ZNF407: variants seen among roughly 807,000 people sequenced by gnomAD.
The protein encoded by ZNF407 is zinc finger protein 407.
ZNF407 carries 17 observed loss-of-function variants against 131.2 expected under a neutral mutation model. That is an observed-to-expected ratio of 0.13 (90% confidence interval 0.09 to 0.19). ZNF407 has a LOEUF of 0.19. Ranked by LOEUF, ZNF407 falls within the 10% of genes least tolerant of loss-of-function variation. ZNF407 has a pLI of 1.00. For synonymous variants in ZNF407, 1,156 were observed against 1,062.0 expected (o/e 1.09, Z -1.72); for missense variants, 2,681 against 2,830.6 (o/e 0.95, Z 1.20).
intron 5 of ZNF407, among the ~76,000 whole-genome samples, 194 bp from the exon 6 acceptor site, chr18:74,880,842 A>G (rs926910128): frequency 2.0e-5 from 3 of 152,242 alleles, no homozygotes; most frequent in Admixed American, 1.3e-4. Context: ...GGGTCTGACA[A>G]GTATGTAATT....
chr18:74,873,756 T>C (rs1488349303), intron 4 of ZNF407, among the ~76,000 whole-genome samples: 1 of 151,904 alleles, frequency 6.6e-6, no homozygotes, highest in Non-Finnish European at 1.5e-5. Flanking sequence ...GCTAGAAGAC[T>C]AACTCGTAAT....
At chr18:74,925,660 A>G (rs573298019) in intron 8 of ZNF407, among the ~76,000 whole-genome samples, 6 of 152,314 alleles carry the variant, frequency 3.9e-5, no homozygotes, top group South Asian at 2.1e-4. Context: ...GCCCTGACAC[A>G]TGTCATGACA....
intron 8 of ZNF407, among the ~76,000 whole-genome samples, chr18:74,959,929 G>A (rs920348637): frequency 6.6e-6 from 1 of 152,206 alleles, no homozygotes; most frequent in Non-Finnish European, 1.5e-5. Context: ...GCATCCAACA[G>A]TGTGGCTTCT....
chr18:75,063,203 G>A lies in ZNF407; in HGVS notation c.5482G>A (p.Val1828Met). 6.2e-7 allele frequency: 1 copy of A among 1,611,172 alleles called. No individual in the cohort carries two copies. The highest frequency in any genetic ancestry group is 8.5e-7 in the Non-Finnish European group (1 of 1,178,632). Reference protein sequence around the residue: ...CRLKGQGATFVETDSPFTAAA... With the variant: ...CRLKGQGATFMETDSPFTAAA... The stretch of plus-strand genomic sequence containing the variant: ...TCTAAAGGGACAAGGAGCCACCTTC[G>A]TGGAGACAGACAGCCCCTTCACCGC... Residue 1828 changes from valine (V) to methionine (M), a missense_variant, in exon 9 of 9, where the codon GTG becomes ATG. Physicochemically the swap from Val to Met is conservative, Grantham distance 21. Around this residue, in one of 6 missense-constraint regions of ZNF407, gnomAD observed 39 missense variants for 91.8 expected, o/e 0.42. Coordinates refer to ENST00000299687, the MANE Select transcript of ZNF407 (RefSeq NM_017757.3). The surrounding 1 kb of genome is among the most constrained non-coding windows in gnomAD (Gnocchi z 6.6).
intron 8 of ZNF407, among the ~76,000 whole-genome samples, chr18:74,967,702 C>A (rs1283809778): frequency 6.6e-6 from 1 of 152,192 alleles, no homozygotes; most frequent in African/African-American, 2.4e-5. Flanking sequence ...AACATAGAAA[C>A]TGAACTGTTT....
intron 8 of ZNF407, among the ~76,000 whole-genome samples, chr18:74,993,096 T>C (rs1231059425): frequency 6.6e-6 from 1 of 152,170 alleles, no homozygotes; most frequent in African/African-American, 2.4e-5. Context: ...ACTAAACATA[T>C]ACTTACTTAC....
At chr18:75,032,613 C>T (rs932244977) in intron 8 of ZNF407, among the ~76,000 whole-genome samples, 7 of 152,176 alleles carry the variant, frequency 4.6e-5, no homozygotes, top group South Asian at 4.1e-4. Context: ...AAGCTTCATA[C>T]GCATTTAGCA....
chr18:74,949,454 A>C (rs912978089), intron 8 of ZNF407, among the ~76,000 whole-genome samples: 2 of 152,214 alleles, frequency 1.3e-5, no homozygotes, highest in African/African-American at 4.8e-5. Flanking sequence ...GCTAGATCAC[A>C]ACCCTAATCT....
At chr18:74,750,143 A>G (rs1183407264) in intron 3 of ZNF407, among the ~76,000 whole-genome samples, 5 of 152,132 alleles carry the variant, frequency 3.3e-5, no homozygotes, top group African/African-American at 1.2e-4. Flanking sequence ...CATCCTTCTC[A>G]TGGAAATCCT....
At chr18:74,800,287 A>T (rs988153191) in intron 4 of ZNF407, among the ~76,000 whole-genome samples, 1 of 152,198 alleles carries the variant, frequency 6.6e-6, no homozygotes, top group Admixed American at 6.5e-5. Flanking sequence ...TGTTATTCTT[A>T]TGCTAATTTT....
intron 3 of ZNF407, among the ~76,000 whole-genome samples, chr18:74,685,529 T>C (rs1053660541): frequency 1.3e-5 from 2 of 152,220 alleles, no homozygotes; most frequent in Non-Finnish European, 2.9e-5. Context: ...AGCACATTGT[T>C]GTACTGTGTG....
chr18:74,950,036 T>C (rs1972196275), intron 8 of ZNF407, among the ~76,000 whole-genome samples: 1 of 152,182 alleles, frequency 6.6e-6, no homozygotes, highest in Admixed American at 6.5e-5. Context: ...GAAGAGTGTT[T>C]GAGGCCAAAT....
At chr18:74,684,553 C>T (rs1417489431) in intron 3 of ZNF407, among the ~76,000 whole-genome samples, 3 of 152,178 alleles carry the variant, frequency 2.0e-5, no homozygotes, top group Admixed American at 1.3e-4. Flanking sequence ...AAACTTTGTT[C>T]TCTAAAGAGC....
intron 4 of ZNF407, among the ~76,000 whole-genome samples, chr18:74,871,139 T>C (rs906358839): frequency 1.3e-5 from 2 of 152,192 alleles, no homozygotes; most frequent in Non-Finnish European, 2.9e-5. Context: ...TGTGAGTCAG[T>C]TGGGCATGGT....
chr18:74,925,608 AT>A (rs1207970425), intron 8 of ZNF407, among the ~76,000 whole-genome samples: 1 of 152,146 alleles, frequency 6.6e-6, no homozygotes, highest in African/African-American at 2.4e-5. Context: ...TTGGCCCTCT[AT>A]TTTTAACCCG....
chr18:74,901,236 G>T (rs1348791322), intron 7 of ZNF407, among the ~76,000 whole-genome samples: 2 of 152,138 alleles, frequency 1.3e-5, no homozygotes, highest in Non-Finnish European at 2.9e-5. Context: ...GATTCTGTTG[G>T]AATTGTTGCT....
Position 74,632,128 on chromosome 18 carries a change from G to C in ZNF407, c.1109G>C (p.Gly370Ala). ...EIVEEHVTSL[G>A]LAQNPENQSR... ...GTTGAAGAACATGTTACTTCCCTTGGTCTAGCTCAGAATCCTGAAAACCAG... is the reference window on the plus strand; with the variant it reads ...GTTGAAGAACATGTTACTTCCCTTGCTCTAGCTCAGAATCCTGAAAACCAG... Residue 370 changes from glycine (G) to alanine (A), a missense_variant, in exon 2 of 9, where the codon GGT becomes GCT. By Grantham distance (60) the Gly-to-Ala change is moderately conservative (BLOSUM62 0). Coordinates refer to ENST00000299687, the MANE Select transcript of ZNF407 (RefSeq NM_017757.3). The C allele has an allele frequency of 6.2e-7, 1 of 1,613,928 alleles. No homozygotes were observed. Among genetic ancestry groups the C allele is most frequent in the Non-Finnish European group, 8.5e-7 (1 of 1,179,896 alleles).
chr18:74,633,633 A>G lies in ZNF407; in HGVS notation c.2614A>G (p.Lys872Glu). ...AAACTTGACTGTTCACATTAGACGAAAACACAGTCACCAGTATAGTTATTT... is the reference window on the plus strand; with the variant it reads ...AAACTTGACTGTTCACATTAGACGAGAACACAGTCACCAGTATAGTTATTT... ...ITNLTVHIRR[K>E]HSHQYSYLCK... Residue 872 changes from lysine (K) to glutamate (E), a missense_variant, in exon 2 of 9, where the codon AAA (lysine) becomes GAA (glutamate). Lys to Glu is a moderately conservative substitution (Grantham distance 56, BLOSUM62 1). Coordinates refer to ENST00000299687, the MANE Select transcript of ZNF407 (RefSeq NM_017757.3). 1 of 1,614,030 alleles carries G rather than the reference A, an allele frequency of 6.2e-7. No homozygotes were observed. The highest frequency in any genetic ancestry group is 8.5e-7 in the Non-Finnish European group (1 of 1,179,882).
rs1158859005 is a variant in ZNF407 at position 74,627,841 on chromosome 18, A to ACCCCGCCCCG, written c.-53-3111_-53-3102dup. 1.8e-3 allele frequency among the ~76,000 whole-genome samples: 93 copies of ACCCCGCCCCG among 50,410 alleles called. 1 individual carries two copies. The highest frequency in any genetic ancestry group is 6.4e-3 in the African/African-American group (78 of 12,114). 33.1% of individuals were successfully genotyped at this position (50,410 alleles called of 152,430 possible). On this transcript the variant is annotated intron_variant, in intron 1 of 8. Transcript: ENST00000299687. Reference sequence around the variant, plus strand: ...GCCCTGCCCTGCCCTGCCCCGCCCCACCCCGCCCCGCCCCGCCCCGCCCCT... The same window carrying ACCCCGCCCCG: ...GCCCTGCCCTGCCCTGCCCCGCCCCACCCCGCCCCGCCCCGCCCCGCCCCGCCCCGCCCCT...
Sources: gnomAD v4.1 joint callset for allele counts (sites outside exome capture counted in the v4.1 genomes callset) on GRCh38, gnomAD v4.1.1 for gene constraint, gnomAD v4.1.1 regional missense constraint, Gnocchi (gnomAD v3.1) non-coding constraint, MANE v1.5 for transcripts, NCBI Gene and HGNC (gene_info 2026-07-23, HGNC 2026-07-21) for gene names.